NDRG1: variants seen among roughly 807,000 people sequenced by gnomAD.
NDRG1 encodes the protein N-myc downstream regulated 1, also known as protein NDRG1.
A neutral mutation model predicts 56.9 loss-of-function variants in NDRG1; 32 were observed. That is an observed-to-expected ratio of 0.56 (90% CI 0.42 to 0.76). NDRG1 has a LOEUF of 0.76. Among genes scored for constraint, NDRG1 ranks in the 30% least tolerant of loss-of-function variants. The pLI, the probability that NDRG1 is intolerant of heterozygous loss-of-function variation, is 0.00. For synonymous variants in NDRG1, 211 were observed against 204.1 expected (o/e 1.03, Z -0.29); for missense variants, 507 against 545.7 (o/e 0.93, Z 0.71).
At position 133,248,766 on chromosome 8, in the gene NDRG1, C is replaced by T. The variant is rs748331213; in HGVS notation, c.704G>A (p.Arg235His). Residue 235 changes from arginine to histidine, a missense_variant, in exon 11 of 16, where the codon CGC (arginine) becomes CAC (histidine). Physicochemically the swap from Arg to His is conservative, Grantham distance 29 (BLOSUM62 0). Coordinates refer to ENST00000323851, the MANE Select transcript of NDRG1 (RefSeq NM_006096.4). ...CATTGGTCGCTCAATCTCCAGGTCG[C>T]GCCGGCTGCAGGAAACAAATGCATC... ...HLFINAYNSR[R>H]DLEIERPMPG... 2.1e-5 allele frequency: 34 copies of T among 1,614,020 alleles called. No homozygotes were observed. The highest frequency in any genetic ancestry group is 1.5e-4 in the African/African-American group (11 of 74,908).
At chr8:133,246,076 G>A (rs371890188) in intron 13 of NDRG1, among the ~76,000 whole-genome samples, 1 of 152,258 alleles carries the variant, frequency 6.6e-6, no homozygotes, top group African/African-American at 2.4e-5. Context: ...CCCTCTGAAA[G>A]GTTCCCACTC....
intron 7 of NDRG1, among the ~76,000 whole-genome samples, chr8:133,257,217 G>C (rs576256441): frequency 2.0e-5 from 3 of 151,892 alleles, no homozygotes; most frequent in Non-Finnish European, 4.4e-5. Flanking sequence ...AAGGCGCACA[G>C]CACAAATGCT....
intron 4 of NDRG1, among the ~76,000 whole-genome samples, chr8:133,264,130 G>A (rs1856793114): frequency 6.6e-6 from 1 of 151,996 alleles, no homozygotes. Context: ...TTCCAGAACA[G>A]GCAAATTCAC....
intron 6 of NDRG1, 180 bp downstream of exon 6, chr8:133,258,988 A>G (rs1237211917): frequency 1.4e-6 from 1 of 708,952 alleles, no homozygotes; most frequent in Non-Finnish European, 2.5e-6. Flanking sequence ...GAGGAGACAG[A>G]CTAGAGCTCA....
chr8:133,245,652 C>T (rs572312020), intron 13 of NDRG1, among the ~76,000 whole-genome samples: 3 of 152,230 alleles, frequency 2.0e-5, no homozygotes, highest in South Asian at 2.1e-4. Flanking sequence ...AGAGGGAGCA[C>T]GGCCCTGCCC....
chr8:133,247,320 G>A (rs1855742449), intron 12 of NDRG1, among the ~76,000 whole-genome samples: 1 of 152,184 alleles, frequency 6.6e-6, no homozygotes, highest in Admixed American at 6.5e-5. Context: ...ATGTCACTCT[G>A]CAGATCACTG....
chr8:133,242,515 C>G (rs1318669156), intron 14 of NDRG1, among the ~76,000 whole-genome samples: 1 of 152,208 alleles, frequency 6.6e-6, no homozygotes, highest in Non-Finnish European at 1.5e-5. Flanking sequence ...CATTTCATAG[C>G]TGAACAGATT....
In NDRG1 at chr8:133,296,484, A is replaced by C. The variant is rs577705507; in HGVS notation, c.-19+650T>G. Reference sequence around the variant, plus strand: ...GTGACACACCCTGGACCCTCCCCCCACACACACGCTTACACTCACACATGC... The same window carrying C: ...GTGACACACCCTGGACCCTCCCCCCCCACACACGCTTACACTCACACATGC... On this transcript the variant is annotated intron_variant, in intron 1 of 15. Coordinates refer to ENST00000323851, the MANE Select transcript of NDRG1 (RefSeq NM_006096.4). The C allele has an allele frequency of 3.5e-4, 159 of 455,402 alleles. 2 individuals are homozygous for C. The highest frequency in any genetic ancestry group is 1.3e-3 in the South Asian group (83 of 64,516). The allele number at this position is 455,402 out of a possible 1,614,324, so 28.2% of individuals were successfully genotyped here.
chr8:133,267,328 G>C (rs2130751795), intron 3 of NDRG1, among the ~76,000 whole-genome samples: 1 of 152,300 alleles, frequency 6.6e-6, no homozygotes, highest in African/African-American at 2.4e-5. Context: ...ACCAGGTGAG[G>C]GTGGTGACAC....
chr8:133,264,181 G>C (rs1856795990), intron 4 of NDRG1, among the ~76,000 whole-genome samples: 1 of 152,134 alleles, frequency 6.6e-6, no homozygotes, highest in African/African-American at 2.4e-5. Context: ...TCTGAGGGTG[G>C]GGTGACAGAT....
chr8:133,245,521 G>A (rs976529623), intron 13 of NDRG1, among the ~76,000 whole-genome samples: 2 of 152,124 alleles, frequency 1.3e-5, no homozygotes, highest in Non-Finnish European at 2.9e-5. Context: ...AATCGGGAGA[G>A]TGCTGAGTGA....
chr8:133,256,450 T>A (rs1586434073), intron 8 of NDRG1, among the ~76,000 whole-genome samples: 1 of 152,212 alleles, frequency 6.6e-6, no homozygotes, highest in African/African-American at 2.4e-5. Context: ...ATGCTCAGCA[T>A]CTTGACCAAA....
At chr8:133,282,462 G>A (rs998530233) in intron 2 of NDRG1, among the ~76,000 whole-genome samples, 1 of 152,242 alleles carries the variant, frequency 6.6e-6, no homozygotes, top group East Asian at 1.9e-4. Context: ...TCCCAGAAAT[G>A]TCAAGTGAAT....
chr8:133,296,222 G>A (rs1234515982), intron 1 of NDRG1, among the ~76,000 whole-genome samples: 1 of 151,178 alleles, frequency 6.6e-6, no homozygotes, highest in Non-Finnish European at 1.5e-5. Context: ...CCCGTGGAGG[G>A]CAGGAGCGGC....
In NDRG1 at chr8:133,284,333, C is replaced by A. The variant is rs753450809; in HGVS notation, c.-18-4G>T. On this transcript the variant is annotated splice_region_variant and splice_polypyrimidine_tract_variant and intron_variant, in intron 1 of 15. Coordinates refer to ENST00000323851, the MANE Select transcript of NDRG1 (RefSeq NM_006096.4). ...ACATGTCCCTGCTGTCACCTGCCTG[C>A]AAGGAGACAAAGGCCAAAAGGTCAA... The A allele has an allele frequency of 1.2e-6, 2 of 1,613,994 alleles. No individual in the cohort carries two copies. The highest frequency in any genetic ancestry group is 4.5e-5 in the East Asian group (2 of 44,868).
intron 9 of NDRG1, among the ~76,000 whole-genome samples, chr8:133,252,461 A>C (rs1470054546): frequency 3.3e-5 from 5 of 152,190 alleles, no homozygotes; most frequent in African/African-American, 1.2e-4. Context: ...AAACCAACAC[A>C]ACAGGCAAAC....
intron 2 of NDRG1, 98 bp from the exon 3 acceptor site, chr8:133,280,365 C>T: frequency 1.1e-5 from 12 of 1,111,120 alleles, no homozygotes; most frequent in Non-Finnish European, 1.6e-5. Context: ...GAATCTGTAC[C>T]TACACTTCCT....
In NDRG1 at chr8:133,243,185, G is replaced by A. The variant is rs377507201; in HGVS notation, c.892-1111C>T. ...AACTCCTGCCAGGATTCCACAAAGAGCCAAATGACATTTAAAAGAGCGGCT... is the reference window on the plus strand; with the variant it reads ...AACTCCTGCCAGGATTCCACAAAGAACCAAATGACATTTAAAAGAGCGGCT... On this transcript the variant is annotated intron_variant, in intron 14 of 15. Coordinates refer to ENST00000323851, the MANE Select transcript of NDRG1 (RefSeq NM_006096.4). 9.2e-5 allele frequency among the ~76,000 whole-genome samples: 14 copies of A among 152,284 alleles called. No individual in the cohort carries two copies. The East Asian group carries it at 1.2e-3, about 13-fold the overall frequency.
At chr8:133,290,813 C>T (rs34168848) in intron 1 of NDRG1, among the ~76,000 whole-genome samples, 1 of 152,192 alleles carries the variant, frequency 6.6e-6, no homozygotes, top group African/African-American at 2.4e-5. Context: ...TAGTACCTTC[C>T]TAAGACGGCC....
Sources: gnomAD v4.1 joint callset for allele counts (sites outside exome capture counted in the v4.1 genomes callset) on GRCh38, gnomAD v4.1.1 for gene constraint, MANE v1.5 for transcripts, NCBI Gene and HGNC (gene_info 2026-07-23, HGNC 2026-07-21) for gene names.